Variants in CORO7 observed in about 807,000 individuals in gnomAD.
The protein encoded by CORO7 is coronin 7.
In CORO7, 107 loss-of-function variants were observed where a neutral mutation model predicts 126.6. The ratio of observed to expected loss-of-function variants is 0.85; its 90% CI spans 0.72 to 0.99. CORO7 has a LOEUF of 0.99. Ranked by LOEUF, CORO7 falls within the 50% of genes least tolerant of loss-of-function variation. The pLI is 0.00. For missense variants in CORO7, 1,314 were observed against 1,255.8 expected (o/e 1.05, Z -0.70); for synonymous variants, 603 against 536.8 (o/e 1.12, Z -1.70).
chr16:4,389,219 A>G (rs1308371698), intron 7 of CORO7, among the ~76,000 whole-genome samples: 1 of 152,152 alleles, frequency 6.6e-6, no homozygotes, highest in Non-Finnish European at 1.5e-5. Context: ...AGCGCCAAGT[A>G]GTGCCTCTCC....
chr16:4,397,634 A>G (rs1034777961), intron 6 of CORO7, among the ~76,000 whole-genome samples: 4 of 152,054 alleles, frequency 2.6e-5, no homozygotes, highest in Admixed American at 6.5e-5. Context: ...TGTTTTTGAG[A>G]TGGAGTTTCA....
At chr16:4,355,471 T>C in intron 26 of CORO7, 99 bp from the exon 27 acceptor site, 1 of 1,242,140 alleles carries the variant, frequency 8.1e-7, no homozygotes, top group Non-Finnish European at 1.1e-6. Context: ...AAAAGAACTT[T>C]TTTTTTTTTT....
At chr16:4,395,943 A>G (rs2055569093) in intron 6 of CORO7, among the ~76,000 whole-genome samples, 1 of 151,428 alleles carries the variant, frequency 6.6e-6, no homozygotes, top group African/African-American at 2.4e-5. Flanking sequence ...TAAAGCACTC[A>G]TGCTTTGTAT....
At chr16:4,401,935 A>AGTTT (rs1168639720) in intron 6 of CORO7, among the ~76,000 whole-genome samples, 12 of 101,662 alleles carry the variant, frequency 1.2e-4, no homozygotes, top group African/African-American at 3.5e-4. Flanking sequence ...TTGAGGTTTT[A>AGTTT]GTTTGTTTGT....
rs776919947 is a variant in CORO7, at chr16:4,360,493, T to C, written c.1973A>G (p.Asp658Gly). The change falls in exon 20 of 28, where the codon GAT becomes GGT. Residue 658 changes from aspartate to glycine, a missense_variant. Asp to Gly is a moderately conservative substitution (Grantham distance 94, BLOSUM62 -1). Coordinates refer to ENST00000251166, the MANE Select transcript of CORO7 (RefSeq NM_024535.5). ...GGGCCTGTAGACCCGCACACGCCCATCCTTGCAGACAGTGGCCAGCTGCTG... is the reference window on the plus strand; with the variant it reads ...GGGCCTGTAGACCCGCACACGCCCACCCTTGCAGACAGTGGCCAGCTGCTG... ...DGQQLATVCK[D>G]GRVRVYRPRS... 2 of 1,612,166 alleles carry C rather than the reference T, an allele frequency of 1.2e-6. No homozygotes were observed. Among genetic ancestry groups the C allele is most frequent in the Non-Finnish European group, 1.7e-6 (2 of 1,179,584 alleles).
rs557354188 is a variant in CORO7, at chr16:4,357,176, T to C, written c.2677A>G (p.Lys893Glu). Residue 893 changes from lysine (K) to glutamate (E), a missense_variant, in exon 26 of 28, where the codon AAG (lysine) becomes GAG (glutamate). Coordinates refer to ENST00000251166, the MANE Select transcript of CORO7 (RefSeq NM_024535.5). Reference sequence around the variant, plus strand: ...CTCTCTCCCATGCCTACCTCCTCCTTCTTTTGCTGGTCAGACTTTTCTTCC... The same window carrying C: ...CTCTCTCCCATGCCTACCTCCTCCTCCTTTTGCTGGTCAGACTTTTCTTCC... ...YLEEKSDQQK[K>E]EELLNAMVAK... 1.1e-5 allele frequency: 17 copies of C among 1,613,770 alleles called. No individual in the cohort carries two copies. The highest frequency in any genetic ancestry group is 9.3e-5 in the African/African-American group (7 of 74,950).
chr16:4,413,580 C>G, intron 1 of CORO7, 176 bp from the exon 2 acceptor site: 2 of 576,000 alleles, frequency 3.5e-6, no homozygotes, highest in Non-Finnish European at 5.9e-6. Context: ...CTCTGTCACC[C>G]AGGCTAGAGT....
chr16:4,393,636 G>GGTTT (rs1227430561), intron 7 of CORO7, among the ~76,000 whole-genome samples: 1 of 152,160 alleles, frequency 6.6e-6, no homozygotes, highest in African/African-American at 2.4e-5. Context: ...TTGGGCTGGT[G>GGTTT]GTTTGCCCTT....
chr16:4,362,586 G>C lies in CORO7; in HGVS notation c.1402+26C>G. On this transcript the variant is annotated intron_variant, in intron 15 of 27. Coordinates refer to ENST00000251166, the MANE Select transcript of CORO7 (RefSeq NM_024535.5). This position sits in a 1 kb window ranked among gnomAD's most constrained non-coding sequence, Gnocchi z 5.3. The stretch of plus-strand genomic sequence containing the variant: ...GGCAGACAGGGCTCCTGCGGTAGGG[G>C]TGAGCTCCCCGTCCTGCCTCCTTAC... 6.5e-7 allele frequency: 1 copy of C among 1,534,926 alleles called. No homozygotes were observed. The highest frequency in any genetic ancestry group is 1.3e-5 in the South Asian group (1 of 79,416).
In CORO7 at chr16:4,412,366, G is replaced by A. The variant is rs1344771623; in HGVS notation, c.222C>T (p.Gly74=). The A allele has an allele frequency of 6.2e-7, 1 of 1,614,188 alleles. No homozygotes were observed. The highest frequency in any genetic ancestry group is 8.5e-7 in the Non-Finnish European group (1 of 1,180,018). ...GEDKRRVAHL[G]CHSDLVTDLD... ...CAGACACCCACTCACCTGAATGGCAGCCCAGGTGGGCCACGCGTCGCTTGT... is the reference window on the plus strand; with the variant it reads ...CAGACACCCACTCACCTGAATGGCAACCCAGGTGGGCCACGCGTCGCTTGT... The change falls in exon 3 of 28, where the codon GGC becomes GGT. Residue 74 remains glycine (G), a synonymous_variant. Transcript: ENST00000251166.
At chr16:4,384,574 C>T (rs910612401) in intron 9 of CORO7, among the ~76,000 whole-genome samples, 2 of 152,246 alleles carry the variant, frequency 1.3e-5, no homozygotes, top group African/African-American at 4.8e-5. Context: ...CAGAGTCAGC[C>T]CAGCCAGACC....
chr16:4,360,555 G>A lies in CORO7; in HGVS notation c.1918-7C>T. ...TCCAGGCCAGGCTGAAGATCTGGGG[G>A]CAGGAAGGGATATGAGAGACAGCCT... On this transcript the variant is annotated splice_polypyrimidine_tract_variant and splice_region_variant and intron_variant, in intron 19 of 27. Coordinates refer to ENST00000251166, the MANE Select transcript of CORO7 (RefSeq NM_024535.5). 6.3e-7 allele frequency: 1 copy of A among 1,591,398 alleles called. No homozygotes were observed. Among genetic ancestry groups the A allele is most frequent in the South Asian group, 1.1e-5 (1 of 88,180 alleles).
At chr16:4,355,435 C>G in intron 26 of CORO7, 63 bp from the exon 27 acceptor site, 3 of 1,530,744 alleles carry the variant, frequency 2.0e-6, no homozygotes, top group South Asian at 1.2e-5. Context: ...CTCTCCCACT[C>G]CAAGAACAAC....
intron 24 of CORO7, 74 bp from the exon 25 acceptor site, chr16:4,358,177 G>A: frequency 6.4e-7 from 1 of 1,563,922 alleles, no homozygotes. Flanking sequence ...GTTGGGGAGG[G>A]ACAGGGCAAG....
At chr16:4,402,128 G>C (rs954529583) in intron 6 of CORO7, among the ~76,000 whole-genome samples, 7 of 151,990 alleles carry the variant, frequency 4.6e-5, no homozygotes, top group African/African-American at 1.5e-4. Context: ...TAGTAGAGGA[G>C]GGGTTTCACT....
At chr16:4,402,878 G>C (rs1389495229) in intron 6 of CORO7, among the ~76,000 whole-genome samples, 1 of 152,172 alleles carries the variant, frequency 6.6e-6, no homozygotes, top group African/African-American at 2.4e-5. Context: ...CTCCCAGCTC[G>C]GGAGGCCCCT....
chr16:4,405,591 G>C, intron 5 of CORO7, 24 bp from the exon 6 acceptor site: 1 of 1,609,524 alleles, frequency 6.2e-7, no homozygotes, highest in Non-Finnish European at 8.5e-7. Context: ...GTCACAGTCA[G>C]GTCCCGGGCA....
In CORO7 at chr16:4,355,338, C is replaced by T. The variant is rs148884268; in HGVS notation, c.2720G>A (p.Arg907Gln). The change falls in exon 27 of 28, where the codon CGG becomes CAG. Residue 907 changes from arginine (R) to glutamine (Q), a missense_variant. Physicochemically the swap from Arg to Gln is conservative, Grantham distance 43. Transcript: ENST00000251166. ...GGAGTCCTGGGGGAGTGGGTCCTCC[C>T]GGTTCCCCAGTTTTGCCACCATGGC... Reference protein sequence around the residue: ...LNAMVAKLGNREDPLPQDSFE... With the variant: ...LNAMVAKLGNQEDPLPQDSFE... 3.4e-5 allele frequency: 55 copies of T among 1,612,412 alleles called. No homozygotes were observed. The highest frequency in any genetic ancestry group is 4.1e-5 in the Non-Finnish European group (48 of 1,179,924).
chr16:4,368,747 C>CAAAAA (rs1283259505), intron 9 of CORO7, among the ~76,000 whole-genome samples: 6 of 56,668 alleles, frequency 1.1e-4, no homozygotes, highest in African/African-American at 1.3e-4. Flanking sequence ...GACTCCATCT[C>CAAAAA]AAAAAAAAAA....
Sources: gnomAD v4.1 joint callset for allele counts (sites outside exome capture counted in the v4.1 genomes callset) on GRCh38, gnomAD v4.1.1 for gene constraint, Gnocchi (gnomAD v3.1) non-coding constraint, MANE v1.5 for transcripts, NCBI Gene and HGNC (gene_info 2026-07-23, HGNC 2026-07-21) for gene names.